Variants in ARRB1 observed in about 807,000 individuals in gnomAD.
The protein encoded by ARRB1 is arrestin beta 1, also known as beta-arrestin-1.
ARRB1 carries 21 observed loss-of-function variants against 56.8 expected under a neutral mutation model. The observed-to-expected ratio is 0.37, with a 90% confidence interval of 0.26 to 0.53. The LOEUF is 0.53. Among genes scored for constraint, ARRB1 ranks in the 20% least tolerant of loss-of-function variants. ARRB1 has a pLI of 0.88. For missense variants in ARRB1, 424 were observed against 553.7 expected (o/e 0.77, Z 2.35); for synonymous variants, 210 against 218.6 (o/e 0.96, Z 0.35).
chr11:75,351,437 G>A, intron 1 of ARRB1, 151 bp downstream of exon 1: 1 of 1,214,318 alleles, frequency 8.2e-7, no homozygotes, highest in Non-Finnish European at 1.1e-6. Flanking sequence ...CTGCCGGGGA[G>A]ACCACACAGG....
chr11:75,343,247 G>T (rs1456885812), intron 1 of ARRB1, among the ~76,000 whole-genome samples: 1 of 152,306 alleles, frequency 6.6e-6, no homozygotes, highest in East Asian at 1.9e-4. Flanking sequence ...GTCACAAAGC[G>T]CTGGGAATCC....
At chr11:75,283,131 C>T (rs1946386771) in intron 5 of ARRB1, among the ~76,000 whole-genome samples, 156 bp downstream of exon 5, 1 of 152,200 alleles carries the variant, frequency 6.6e-6, no homozygotes, top group East Asian at 1.9e-4. Context: ...AGACACTTAC[C>T]AGGTAACACA....
At chr11:75,309,761 T>C (rs1053801933) in intron 1 of ARRB1, among the ~76,000 whole-genome samples, 5 of 152,152 alleles carry the variant, frequency 3.3e-5, no homozygotes, top group Admixed American at 6.5e-5. Context: ...TTTAAATAAA[T>C]GCATTTCCAT....
intron 10 of ARRB1, among the ~76,000 whole-genome samples, chr11:75,275,295 C>T (rs1037758676): frequency 1.3e-4 from 19 of 151,558 alleles, no homozygotes; most frequent in African/African-American, 3.9e-4. Context: ...CACAGGGGCG[C>T]GCCACCATGC....
At chr11:75,325,922 G>A (rs572579078) in intron 1 of ARRB1, among the ~76,000 whole-genome samples, 22 of 152,270 alleles carry the variant, frequency 1.4e-4, no homozygotes, top group Middle Eastern at 6.8e-3. Context: ...GGCCCAACTC[G>A]GGCCGGCTGA....
At chr11:75,290,125 G>A (rs1167461454) in intron 1 of ARRB1, 86 bp from the exon 2 acceptor site, 5 of 1,559,132 alleles carry the variant, frequency 3.2e-6, no homozygotes, top group Middle Eastern at 1.8e-4. Context: ...GCAGGACTGG[G>A]GACCAGGGCT....
rs1284037644 is a variant in ARRB1, at chr11:75,330,001, T to C, written c.20+21587A>G. Among the ~76,000 whole-genome samples, 3 of 141,454 alleles carry C rather than the reference T, an allele frequency of 2.1e-5. No individual in the cohort carries two copies. In the Admixed American group the frequency reaches 2.1e-4, roughly 10 times the overall value. 92.8% of individuals were successfully genotyped at this position (141,454 alleles called of 152,430 possible). On this transcript the variant is annotated intron_variant, in intron 1 of 15. Coordinates refer to ENST00000420843, the MANE Select transcript of ARRB1 (RefSeq NM_004041.5). The stretch of plus-strand genomic sequence containing the variant: ...AATGACAAGACTGAGACCCTGTCTC[T>C]AAAAAAAAAAAAAGTCACTACTGCC...
At chr11:75,321,598 T>C (rs950560338) in intron 1 of ARRB1, among the ~76,000 whole-genome samples, 5 of 152,112 alleles carry the variant, frequency 3.3e-5, no homozygotes, top group African/African-American at 9.7e-5. Flanking sequence ...TTTTTTATCC[T>C]AGTGAACTGG....
intron 7 of ARRB1, among the ~76,000 whole-genome samples, chr11:75,280,450 C>G (rs755831301): frequency 2.0e-5 from 3 of 152,208 alleles, no homozygotes; most frequent in Non-Finnish European, 2.9e-5. Flanking sequence ...ACCAGCTATT[C>G]CAGGAGGCAG....
chr11:75,334,186 T>C (rs1009527001), intron 1 of ARRB1, among the ~76,000 whole-genome samples: 2 of 150,874 alleles, frequency 1.3e-5, no homozygotes, highest in Non-Finnish European at 2.9e-5. Flanking sequence ...AAAAATTAGC[T>C]GGGCGTGGTG....
At chr11:75,336,762 A>T (rs1369563477) in intron 1 of ARRB1, among the ~76,000 whole-genome samples, 2 of 152,222 alleles carry the variant, frequency 1.3e-5, no homozygotes, top group African/African-American at 2.4e-5. Context: ...CTGCCACTCA[A>T]TGAGAAACCA....
intron 1 of ARRB1, among the ~76,000 whole-genome samples, chr11:75,301,191 C>A (rs998154269): frequency 6.0e-5 from 9 of 150,976 alleles, no homozygotes; most frequent in African/African-American, 2.2e-4. Flanking sequence ...TGAGGAAGAT[C>A]TTGAAGGACA....
At position 75,334,306 on chromosome 11, in the gene ARRB1, C is replaced by CAAA. The variant is rs11403871; in HGVS notation, c.20+17279_20+17281dup. Among the ~76,000 whole-genome samples, 14 of 109,706 alleles carry CAAA rather than the reference C, an allele frequency of 1.3e-4. 1 individual carries two copies. The highest frequency in any genetic ancestry group is 3.4e-4 in the South Asian group (1 of 2,908). The allele number at this position is 109,706 out of a possible 152,430, so 72.0% of individuals were successfully genotyped here. The stretch of plus-strand genomic sequence containing the variant: ...TGACAGGGCAAGACTCCGTCTCAAA[C>CAAA]AAAAAAAAAAAAAAAAAAAAGGCCC... On this transcript the variant is annotated intron_variant, in intron 1 of 15. Coordinates refer to ENST00000420843, the MANE Select transcript of ARRB1 (RefSeq NM_004041.5).
intron 6 of ARRB1, 120 bp downstream of exon 6, chr11:75,281,842 C>G: frequency 9.4e-7 from 1 of 1,059,542 alleles, no homozygotes; most frequent in Non-Finnish European, 1.4e-6. Context: ...AGCCTAGACA[C>G]AAAGACTGTT....
intron 1 of ARRB1, among the ~76,000 whole-genome samples, chr11:75,311,558 C>T (rs1409630770): frequency 6.6e-6 from 1 of 152,212 alleles, no homozygotes; most frequent in Non-Finnish European, 1.5e-5. Flanking sequence ...CCTTACATAG[C>T]AGACTGCACA....
intron 12 of ARRB1, chr11:75,272,639 TAGGATAG>T (rs1259490575): frequency 1.0e-5 from 5 of 489,654 alleles, no homozygotes; most frequent in Admixed American, 3.3e-5. Flanking sequence ...AGCCCAGACC[TAGGATAG>T]AGGAGGAGGA....
At chr11:75,277,298 G>T in intron 9 of ARRB1, 66 bp downstream of exon 9, 1 of 1,493,128 alleles carries the variant, frequency 6.7e-7, no homozygotes, top group Non-Finnish European at 9.3e-7. Flanking sequence ...AGATACTTCA[G>T]CCACCCCCAG....
At chr11:75,277,515 G>C in intron 8 of ARRB1, 67 bp from the exon 9 acceptor site, 3 of 1,418,552 alleles carry the variant, frequency 2.1e-6, no homozygotes, top group Non-Finnish European at 3.0e-6. Context: ...AGGGGAGGGA[G>C]AAAAGCCCCC....
At chr11:75,351,523 C>A in intron 1 of ARRB1, 65 bp downstream of exon 1, 1 of 1,496,256 alleles carries the variant, frequency 6.7e-7, no homozygotes, top group East Asian at 2.8e-5. Flanking sequence ...AATCGGAGCC[C>A]CCGCCCGTGT....
Sources: allele counts gnomAD v4.1 joint callset (sites outside exome capture counted in the v4.1 genomes callset), GRCh38; gene constraint gnomAD v4.1.1; transcripts MANE v1.5; gene names NCBI Gene and HGNC (gene_info 2026-07-23, HGNC 2026-07-21).